ENOX2: variants seen among roughly 807,000 people sequenced by gnomAD.
ENOX2 encodes ecto-NOX disulfide-thiol exchanger 2.
ENOX2 carries 36 observed loss-of-function variants against 45.0 expected under a neutral mutation model. That is an observed-to-expected ratio of 0.80 (90% CI 0.61 to 1.06). The LOEUF is 1.06. ENOX2 is among the 50% of genes least tolerant of loss of function. The pLI, the probability that ENOX2 is intolerant of heterozygous loss-of-function variation, is 0.00. For missense variants in ENOX2, 423 were observed against 462.5 expected, an observed-to-expected ratio of 0.91 and a Z score of 0.78; for synonymous variants, 174 against 152.3, an observed-to-expected ratio of 1.14 and a Z score of -1.05.
intron 3 of ENOX2, among the ~76,000 whole-genome samples, chrX:130,715,850 T>G (rs1194886973): frequency 8.9e-6 from 1 of 112,109 alleles, no homozygotes; most frequent in Non-Finnish European, 1.9e-5. Context: ...GTACCCATCT[T>G]ATAGAGCTAT....
intron 3 of ENOX2, among the ~76,000 whole-genome samples, chrX:130,736,696 T>C (rs2038868887): frequency 8.9e-6 from 1 of 111,959 alleles, no homozygotes; most frequent in African/African-American, 3.2e-5. Flanking sequence ...ACCCATGCTC[T>C]AGGGGGCTAA....
chrX:130,777,400 C>T (rs1235556518), intron 3 of ENOX2, among the ~76,000 whole-genome samples: 2 of 107,736 alleles, frequency 1.9e-5, no homozygotes, highest in Non-Finnish European at 3.8e-5. Context: ...TCGGGGGGAG[C>T]TGAGGCAAGA....
chrX:130,827,955 T>G (rs993690632), intron 2 of ENOX2, among the ~76,000 whole-genome samples: 2 of 111,746 alleles, frequency 1.8e-5, no homozygotes, highest in Admixed American at 9.6e-5. Flanking sequence ...TTTCATTTAT[T>G]CTTACAACCT....
chrX:130,849,639 A>G (rs1442794881), intron 2 of ENOX2, among the ~76,000 whole-genome samples: 1 of 112,242 alleles, frequency 8.9e-6, no homozygotes, highest in Non-Finnish European at 1.9e-5. Flanking sequence ...GTTGTGAAGC[A>G]GGAAACAGCA....
chrX:130,837,458 A>G (rs2077947750), intron 2 of ENOX2, among the ~76,000 whole-genome samples: 1 of 112,019 alleles, frequency 8.9e-6, no homozygotes, highest in Non-Finnish European at 1.9e-5. Flanking sequence ...TGGTCCTTTG[A>G]GGTTATCTTA....
intron 2 of ENOX2, among the ~76,000 whole-genome samples, chrX:130,812,794 C>T (rs1021305113): frequency 9.0e-6 from 1 of 111,454 alleles, no homozygotes; most frequent in Non-Finnish European, 1.9e-5. Context: ...TTACAAAAAT[C>T]GAAAAATCAA....
chrX:130,679,858 C>G, intron 5 of ENOX2, 110 bp from the exon 6 acceptor site: 1 of 570,403 alleles, frequency 1.8e-6, no homozygotes, highest in South Asian at 2.8e-5. Flanking sequence ...CTAAGAGTGT[C>G]AGAAGGATGT....
At chrX:130,703,305 C>G (rs374589859) in intron 3 of ENOX2, 51 bp from the exon 4 acceptor site, 1 of 1,107,003 alleles carries the variant, frequency 9.0e-7, no homozygotes, top group African/African-American at 1.8e-5. Context: ...GTTCTAGCAA[C>G]TAGTTTACTT....
chrX:130,747,269 T>C (rs1428626420), intron 3 of ENOX2, among the ~76,000 whole-genome samples: 1 of 111,337 alleles, frequency 9.0e-6, no homozygotes, highest in East Asian at 2.8e-4. Flanking sequence ...ACTAAGTTTT[T>C]GTTTTTTTTT....
intron 5 of ENOX2, among the ~76,000 whole-genome samples, chrX:130,680,845 A>T (rs2037282686): frequency 8.9e-6 from 1 of 112,063 alleles, no homozygotes; most frequent in Non-Finnish European, 1.9e-5. Context: ...CCCCAACCTG[A>T]CTCTTATCCA....
chrX:130,768,580 G>A lies in ENOX2; in HGVS notation c.-39+14967C>T, dbSNP rs569700301. Among the ~76,000 whole-genome samples, 14 of 111,828 alleles carry A rather than the reference G, an allele frequency of 1.3e-4. No individual in the cohort carries two copies. In the South Asian group the frequency reaches 4.9e-3, roughly 39 times the overall value. On this transcript the variant is annotated intron_variant, in intron 3 of 14. Transcript: ENST00000394363. ...CAGTCTAACAGTAGACTTGTATATG[G>A]GGATTGCTTGGTCTTTCTGGAGGTG...
chrX:130,676,432 G>A (rs749640163), intron 6 of ENOX2, among the ~76,000 whole-genome samples: 1 of 111,333 alleles, frequency 9.0e-6, no homozygotes, highest in Non-Finnish European at 1.9e-5. Flanking sequence ...AATTTAAAGG[G>A]CAAAATTTAG....
intron 2 of ENOX2, among the ~76,000 whole-genome samples, chrX:130,834,719 T>C (rs1010321752): frequency 4.5e-5 from 5 of 111,621 alleles, no homozygotes; most frequent in Non-Finnish European, 9.4e-5. Flanking sequence ...TGGGTTCTTA[T>C]GGGATTTTAA....
Position 130,688,873 on chromosome X carries a change from A to G in ENOX2, c.243T>C (p.Pro81=). 2 of 1,196,287 alleles carry G rather than the reference A, an allele frequency of 1.7e-6. No homozygotes were observed. Among genetic ancestry groups the G allele is most frequent in the Non-Finnish European group, 2.3e-6 (2 of 885,041 alleles). Residue 81 remains proline (P), a synonymous_variant, in exon 5 of 15, where the codon CCT becomes CCC. Coordinates refer to ENST00000394363, the MANE Select transcript of ENOX2 (RefSeq NM_006375.4). ...AAAGCAGAATATTACTTGGATTTGG[A>G]GGGAAGAGCGTGCAGCTTTTACAGT... The part of the protein sequence containing the change: ...IIHCKSCTLF[P]PNPNLPPPAT...
Position 130,667,626 on chromosome X carries a change from C to G in ENOX2, c.811G>C (p.Val271Leu). 4 of 1,211,705 alleles carry G rather than the reference C, an allele frequency of 3.3e-6. No homozygotes were observed. Among genetic ancestry groups the G allele is most frequent in the Non-Finnish European group, 4.5e-6 (4 of 895,216 alleles). ...YSMIQSANSH[V>L]RRLVNEKAAH... is the part of the protein sequence containing the mutation. ...GCTTTCTCGTTCACCAGGCGGCGGA[C>G]ATGGCTGTTGGCCGACTGGATCATG... Residue 271 changes from valine (V) to leucine (L), a missense_variant, in exon 8 of 15, where the codon GTC (valine) becomes CTC (leucine). Coordinates refer to ENST00000394363, the MANE Select transcript of ENOX2 (RefSeq NM_006375.4).
intron 3 of ENOX2, among the ~76,000 whole-genome samples, chrX:130,707,814 G>T (rs1258526392): frequency 1.8e-5 from 2 of 112,125 alleles, no homozygotes; most frequent in African/African-American, 6.5e-5. Context: ...ATCATCAAGA[G>T]CATTGGTCTG....
At chrX:130,672,833 C>A (rs2037025537) in intron 6 of ENOX2, among the ~76,000 whole-genome samples, 1 of 111,615 alleles carries the variant, frequency 9.0e-6, no homozygotes, top group Non-Finnish European at 1.9e-5. Flanking sequence ...TCCAAGAGTT[C>A]CCCTAGCCAC....
chrX:130,699,193 T>C (rs1004219297), intron 4 of ENOX2, among the ~76,000 whole-genome samples: 15 of 112,205 alleles, frequency 1.3e-4, no homozygotes, highest in African/African-American at 4.5e-4. Flanking sequence ...ATTAACTTTA[T>C]TGAACCACAG....
At chrX:130,632,022 G>GT (rs1379602429) in intron 12 of ENOX2, among the ~76,000 whole-genome samples, 2 of 110,603 alleles carry the variant, frequency 1.8e-5, no homozygotes, top group East Asian at 5.7e-4. Flanking sequence ...AAGGACCATT[G>GT]TTTTTTTAAA....
Sources: gnomAD v4.1 joint callset for allele counts (sites outside exome capture counted in the v4.1 genomes callset) on GRCh38, gnomAD v4.1.1 for gene constraint, MANE v1.5 for transcripts, NCBI Gene and HGNC (gene_info 2026-07-23, HGNC 2026-07-21) for gene names.